Variants in SLC7A11 observed in about 807,000 individuals in gnomAD.
SLC7A11 encodes cystine/glutamate transporter.
SLC7A11 carries 35 observed loss-of-function variants against 54.5 expected under a neutral mutation model. The observed-to-expected ratio is 0.64, with a 90% CI of 0.49 to 0.85. The LOEUF is 0.85. SLC7A11 is among the 40% of genes least tolerant of loss of function. The pLI is 0.00. For missense variants in SLC7A11, 583 were observed against 618.1 expected, an observed-to-expected ratio of 0.94 and a Z score of 0.60; for synonymous variants, 230 against 225.2, an observed-to-expected ratio of 1.02 and a Z score of -0.19.
intron 6 of SLC7A11, among the ~76,000 whole-genome samples, chr4:138,188,683 C>A (rs181338460): frequency 1.1e-3 from 161 of 152,226 alleles, no homozygotes; most frequent in Middle Eastern, 0.01. Flanking sequence ...TTACTAGTAA[C>A]CCAAGATTAA....
intron 6 of SLC7A11, among the ~76,000 whole-genome samples, chr4:138,186,425 G>C (rs997703533): frequency 2.4e-4 from 37 of 152,170 alleles, no homozygotes; most frequent in African/African-American, 8.7e-4. Context: ...ACATTATACC[G>C]AACAGCGATA....
chr4:138,235,802 C>T (rs1738194333), intron 2 of SLC7A11, among the ~76,000 whole-genome samples: 1 of 152,172 alleles, frequency 6.6e-6, no homozygotes, highest in African/African-American at 2.4e-5. Flanking sequence ...AGTTCCTAAT[C>T]TGTTTAATAT....
At chr4:138,195,807 T>G (rs932947234) in intron 6 of SLC7A11, among the ~76,000 whole-genome samples, 6 of 152,184 alleles carry the variant, frequency 3.9e-5, no homozygotes, top group African/African-American at 1.4e-4. Flanking sequence ...GCCCTTGAAG[T>G]GTTTCCTCTA....
chr4:138,213,219 C>G (rs958668748), intron 6 of SLC7A11, among the ~76,000 whole-genome samples: 1 of 151,986 alleles, frequency 6.6e-6, no homozygotes, highest in African/African-American at 2.4e-5. Context: ...ACAATATTGG[C>G]ATAAATTGGT....
At chr4:138,181,639 G>C (rs189166359) in intron 9 of SLC7A11, among the ~76,000 whole-genome samples, 56 of 152,212 alleles carry the variant, frequency 3.7e-4, no homozygotes, top group African/African-American at 1.3e-3. Flanking sequence ...CTCCAGTTGA[G>C]AGAAATGTTA....
At chr4:138,196,450 C>A (rs1371477716) in intron 6 of SLC7A11, among the ~76,000 whole-genome samples, 2 of 152,146 alleles carry the variant, frequency 1.3e-5, no homozygotes, top group African/African-American at 4.8e-5. Context: ...TCTAAATATA[C>A]AACAGCCAGT....
At chr4:138,180,941 C>T (rs1180187224) in intron 9 of SLC7A11, 151 bp from the exon 10 acceptor site, 3 of 734,414 alleles carry the variant, frequency 4.1e-6, no homozygotes, top group Non-Finnish European at 6.5e-6. Flanking sequence ...TGACTAATCT[C>T]TTTTCTATAT....
At chr4:138,227,874 T>G (rs1432352232) in intron 3 of SLC7A11, among the ~76,000 whole-genome samples, 2 of 152,206 alleles carry the variant, frequency 1.3e-5, no homozygotes, top group Non-Finnish European at 2.9e-5. Context: ...CTGCAGTACT[T>G]GTATATTTTA....
chr4:138,208,081 T>C (rs1345431732), intron 6 of SLC7A11, among the ~76,000 whole-genome samples: 3 of 152,112 alleles, frequency 2.0e-5, no homozygotes, highest in Non-Finnish European at 4.4e-5. Flanking sequence ...CAAACCAAGT[T>C]TCACTTCTTC....
At chr4:138,187,385 T>G (rs1736904852) in intron 6 of SLC7A11, among the ~76,000 whole-genome samples, 1 of 152,150 alleles carries the variant, frequency 6.6e-6, no homozygotes, top group Non-Finnish European at 1.5e-5. Flanking sequence ...CCTTTTGTCC[T>G]TAGAAAATTC....
chr4:138,204,969 T>G (rs991835052), intron 6 of SLC7A11, among the ~76,000 whole-genome samples: 14 of 152,166 alleles, frequency 9.2e-5, no homozygotes, highest in Admixed American at 6.6e-4. Flanking sequence ...CTCTAATTTT[T>G]TCAAAGATTA....
intron 6 of SLC7A11, among the ~76,000 whole-genome samples, chr4:138,200,469 T>C (rs1488353189): frequency 1.3e-5 from 2 of 152,110 alleles, no homozygotes; most frequent in Non-Finnish European, 2.9e-5. Flanking sequence ...TCTGACACAT[T>C]TTTAAAAGCA....
At chr4:138,191,857 A>C (rs1449015034) in intron 6 of SLC7A11, among the ~76,000 whole-genome samples, 1 of 152,116 alleles carries the variant, frequency 6.6e-6, no homozygotes, top group Non-Finnish European at 1.5e-5. Context: ...ATCCATATTT[A>C]TCATGGATAA....
chr4:138,183,248 G>C lies in SLC7A11; in HGVS notation c.973C>G (p.Leu325Val). The C allele has an allele frequency of 1.2e-6, 2 of 1,612,260 alleles. No individual in the cohort carries two copies. The highest frequency in any genetic ancestry group is 1.7e-6 in the Non-Finnish European group (2 of 1,179,022). ...CCGTTCATGGAGCCAAAGCAGGAGA[G>C]GGCAACAAAGATCGGAACTGCTAAT... The part of the protein sequence containing the change: ...FSLAVPIFVA[L>V]SCFGSMNGGV... Residue 325 changes from leucine (L) to valine (V), a missense_variant, in exon 8 of 12, where the codon CTC becomes GTC. Physicochemically the swap from Leu to Val is conservative, Grantham distance 32 (BLOSUM62 1). Transcript: ENST00000280612.
chr4:138,222,138 T>C (rs1737828841), intron 4 of SLC7A11, among the ~76,000 whole-genome samples: 1 of 152,178 alleles, frequency 6.6e-6, no homozygotes, highest in Admixed American at 6.5e-5. Flanking sequence ...TGTTGCTGGA[T>C]TTCATAAAAG....
intron 10 of SLC7A11, among the ~76,000 whole-genome samples, chr4:138,180,425 T>TA (rs1220233508): frequency 6.6e-6 from 1 of 152,044 alleles, no homozygotes; most frequent in Non-Finnish European, 1.5e-5. Context: ...AAATTTGACA[T>TA]ACAAAGTTCA....
chr4:138,207,175 T>C (rs1337824926), intron 6 of SLC7A11, among the ~76,000 whole-genome samples: 1 of 152,040 alleles, frequency 6.6e-6, no homozygotes, highest in East Asian at 1.9e-4. Flanking sequence ...AATTAATACA[T>C]ATCTTAAAAA....
chr4:138,217,142 C>G (rs1043597598), intron 5 of SLC7A11, among the ~76,000 whole-genome samples: 4 of 123,538 alleles, frequency 3.2e-5, no homozygotes, highest in Non-Finnish European at 7.7e-5. Context: ...CACAAAGCAG[C>G]ATTCAGGTAG....
intron 9 of SLC7A11, among the ~76,000 whole-genome samples, chr4:138,181,258 CACAG>C (rs1736734266): frequency 6.6e-6 from 1 of 152,098 alleles, no homozygotes; most frequent in African/African-American, 2.4e-5. Context: ...ACCCAGGAAA[CACAG>C]ACACTCATAG....
Sources: allele counts gnomAD v4.1 joint callset (sites outside exome capture counted in the v4.1 genomes callset), GRCh38; gene constraint gnomAD v4.1.1; transcripts MANE v1.5; gene names NCBI Gene and HGNC (gene_info 2026-07-23, HGNC 2026-07-21).